Variants in CALD1 observed in about 807,000 individuals in gnomAD.
CALD1 encodes the protein caldesmon 1, also known as caldesmon.
CALD1 carries 33 observed loss-of-function variants against 99.9 expected under a neutral mutation model. The observed-to-expected ratio is 0.33, with a 90% CI of 0.25 to 0.44. The LOEUF is 0.44. CALD1 is among the 20% of genes least tolerant of loss of function. The probability of loss-of-function intolerance (pLI) is 1.00; values close to 1 mark genes in which losing one functional copy is unlikely to be tolerated. For missense variants in CALD1, 861 were observed against 962.1 expected (o/e 0.89, Z 1.39); for synonymous variants, 310 against 325.0 (o/e 0.95, Z 0.50).
intron 1 of CALD1, among the ~76,000 whole-genome samples, chr7:134,832,095 G>A (rs966467533): frequency 1.1e-4 from 16 of 152,186 alleles, no homozygotes; most frequent in African/African-American, 3.6e-4. Flanking sequence ...ATGCGCACGC[G>A]CAGTGTATTT....
At chr7:134,723,389 A>C in the CALD1 span, among the ~76,000 whole-genome samples, 1 of 152,132 alleles carries the variant, frequency 6.6e-6, no homozygotes, top group Non-Finnish European at 1.5e-5. Context: ...TCCTGACATT[A>C]ATTGAGTTAG....
At chr7:134,715,107 T>C in the CALD1 span, among the ~76,000 whole-genome samples, 6 of 152,284 alleles carry the variant, frequency 3.9e-5, no homozygotes, top group Non-Finnish European at 7.4e-5. Flanking sequence ...ATTCCACAAA[T>C]ACAAAACTCT....
the CALD1 span, among the ~76,000 whole-genome samples, chr7:134,725,085 G>A: frequency 6.6e-6 from 1 of 152,164 alleles, no homozygotes; most frequent in African/African-American, 2.4e-5. Flanking sequence ...ACATGAGGTG[G>A]CCTAGGGATT....
chr7:134,766,240 C>T (rs1287700248), intron 1 of CALD1, among the ~76,000 whole-genome samples: 1 of 149,350 alleles, frequency 6.7e-6, no homozygotes, highest in African/African-American at 2.5e-5. Flanking sequence ...CAACCTCTGC[C>T]TCCTGGGTTC....
chr7:134,786,529 T>C (rs769431590), intron 1 of CALD1, among the ~76,000 whole-genome samples: 7 of 152,226 alleles, frequency 4.6e-5, no homozygotes, highest in Non-Finnish European at 1.0e-4. Context: ...TATGTATTTG[T>C]AGGTTTCTTC....
intron 2 of CALD1, among the ~76,000 whole-genome samples, chr7:134,847,587 C>A (rs752243271): frequency 2.0e-5 from 3 of 152,184 alleles, no homozygotes; most frequent in Non-Finnish European, 4.4e-5. Context: ...GGACTCCCAG[C>A]GTTCTGGAAA....
At chr7:134,864,389 A>G (rs1423261800) in intron 2 of CALD1, among the ~76,000 whole-genome samples, 4 of 138,966 alleles carry the variant, frequency 2.9e-5, no homozygotes, top group African/African-American at 1.1e-4. Flanking sequence ...GGTGATTTGA[A>G]ATCTTTTTTC....
intron 3 of CALD1, among the ~76,000 whole-genome samples, chr7:134,902,264 T>G (rs926743100): frequency 6.6e-6 from 1 of 152,110 alleles, no homozygotes; most frequent in African/African-American, 2.4e-5. Context: ...AGGAAGTGTG[T>G]GCATGTCCAT....
rs182558390 is a variant in CALD1, at chr7:134,771,011, T to C, written c.-130+26648T>C. Among the ~76,000 whole-genome samples, 5 of 152,316 alleles carry C rather than the reference T, an allele frequency of 3.3e-5. No homozygotes were observed. The East Asian group carries it at 7.7e-4, about 24-fold the overall frequency. ...TTGTTTGAAAAGTTAAATAATACTA[T>C]ATGACTTTTAACAAAAGCAGGAGTC... On this transcript the variant is annotated intron_variant, in intron 1 of 13. Coordinates refer to the CALD1 transcript ENST00000417172.
intron 3 of CALD1, among the ~76,000 whole-genome samples, chr7:134,918,886 C>T (rs1804415068): frequency 6.6e-6 from 1 of 152,138 alleles, no homozygotes; most frequent in Non-Finnish European, 1.5e-5. Context: ...GTCCCAGCTA[C>T]TCAGGGGGCT....
At chr7:134,775,584 A>G (rs537583901), upstream of CALD1, among the ~76,000 whole-genome samples, 292 of 152,092 alleles carry the variant, frequency 1.9e-3, 1 homozygote, top group African/African-American at 6.7e-3. Context: ...GGTGGCGAGC[A>G]CCTGTAGTCC....
chr7:134,846,687 T>C (rs963227012), intron 2 of CALD1, among the ~76,000 whole-genome samples: 10 of 152,244 alleles, frequency 6.6e-5, no homozygotes, highest in Admixed American at 4.6e-4. Flanking sequence ...TTTCTGATTA[T>C]GAGCAGAAGA....
chr7:134,891,710 CTTTT>C, intron 3 of CALD1: 2 of 970,770 alleles, frequency 2.1e-6, no homozygotes, highest in Non-Finnish European at 2.7e-6. Flanking sequence ...TTTTTCCTTT[CTTTT>C]TTTTTTTTAT....
At chr7:134,761,020 G>T (rs1796771898) in intron 1 of CALD1, among the ~76,000 whole-genome samples, 2 of 152,158 alleles carry the variant, frequency 1.3e-5, no homozygotes, top group Admixed American at 1.3e-4. Flanking sequence ...CAGGTCTGGG[G>T]ATAGTCAGGC....
At chr7:134,946,711 C>T (rs1019461062) in intron 7 of CALD1, among the ~76,000 whole-genome samples, 9 of 150,596 alleles carry the variant, frequency 6.0e-5, no homozygotes, top group Non-Finnish European at 8.9e-5. Context: ...GACAGAGTCT[C>T]GCTTTGTTGC....
At chr7:134,713,488 A>G in the CALD1 span, among the ~76,000 whole-genome samples, 1 of 152,324 alleles carries the variant, frequency 6.6e-6, no homozygotes, top group South Asian at 2.1e-4. Flanking sequence ...GCAGCGCCTT[A>G]CACTAAGCAG....
At chr7:134,847,165 C>T (rs1164035506) in intron 2 of CALD1, among the ~76,000 whole-genome samples, 3 of 152,158 alleles carry the variant, frequency 2.0e-5, no homozygotes, top group African/African-American at 2.4e-5. Flanking sequence ...ATTTTATAAC[C>T]ACTGTGGGCC....
In CALD1 at chr7:134,797,240, C is replaced by A. The variant is rs373116943; in HGVS notation, c.-130+17491C>A. Among the ~76,000 whole-genome samples the A allele has an allele frequency of 2.9e-3, 434 of 152,266 alleles. 3 individuals carry two copies. The highest frequency in any genetic ancestry group is 9.9e-3 in the African/African-American group (412 of 41,554). On this transcript the variant is annotated intron_variant, in intron 1 of 14. Transcript: ENST00000361675. ...GCTCAAGTAATCCTCCCACCTTGGC[C>A]TCCCAGTGTGCTGAGATTACAGGCC... is the stretch of plus-strand genomic sequence containing the variant.
rs1348794478 is a variant in CALD1 at position 134,924,141 on chromosome 7, GA to G, written c.72-4610del. On this transcript the variant is annotated intron_variant, in intron 3 of 14. Coordinates refer to ENST00000361675, the MANE Select transcript of CALD1 (RefSeq NM_033138.4). ...AAGGTAAATTAAAGAAATGGTTTGT[GA>G]AATGATATGTATGACATAACCCTAT... Among the ~76,000 whole-genome samples the G allele has an allele frequency of 2.0e-5, 3 of 152,112 alleles. No individual in the cohort carries two copies. In the South Asian group the frequency reaches 6.2e-4, roughly 32 times the overall value.
Sources: gnomAD v4.1 joint callset for allele counts (sites outside exome capture counted in the v4.1 genomes callset) on GRCh38, gnomAD v4.1.1 for gene constraint, MANE v1.5 for transcripts, NCBI Gene and HGNC (gene_info 2026-07-23, HGNC 2026-07-21) for gene names.